The following CPNE8 variants were observed in gnomAD, a reference collection of about 807,000 sequenced individuals.
CPNE8 encodes the protein copine-8.
CPNE8 carries 45 observed loss-of-function variants against 81.5 expected under a neutral mutation model. The observed-to-expected ratio is 0.55, with a 90% CI of 0.44 to 0.71. The LOEUF is 0.71. Ranked by LOEUF, CPNE8 falls within the 30% of genes least tolerant of loss-of-function variation. The pLI, the probability that CPNE8 is intolerant of heterozygous loss-of-function variation, is 0.00. For missense variants in CPNE8, 594 were observed against 672.1 expected, an observed-to-expected ratio of 0.88 and a Z score of 1.28; for synonymous variants, 252 against 226.3, an observed-to-expected ratio of 1.11 and a Z score of -1.02.
chr12:38,760,108 C>T (rs146371982), intron 10 of CPNE8, among the ~76,000 whole-genome samples: 1,948 of 152,172 alleles, frequency 0.013, 27 homozygotes, highest in South Asian at 0.041. Context: ...TAAAAGTAAC[C>T]TTTGCTTTCC....
intron 1 of CPNE8, among the ~76,000 whole-genome samples, chr12:38,902,336 G>GA (rs1388363416): frequency 2.8e-4 from 18 of 63,546 alleles, no homozygotes; most frequent in African/African-American, 1.6e-3. Context: ...AAGAAAGAAA[G>GA]AAAGAAAGAA....
intron 19 of CPNE8, among the ~76,000 whole-genome samples, chr12:38,668,903 A>T (rs1368097839): frequency 1.3e-5 from 2 of 152,016 alleles, no homozygotes; most frequent in African/African-American, 2.4e-5. Context: ...TACAAAAAAA[A>T]ATTAGCTGGG....
intron 19 of CPNE8, among the ~76,000 whole-genome samples, chr12:38,657,574 C>T (rs1472086127): frequency 1.3e-5 from 2 of 152,194 alleles, no homozygotes; most frequent in African/African-American, 4.8e-5. Context: ...ACTGCCTCCT[C>T]AAGTGGGTCC....
At chr12:38,894,657 CA>C (rs1944360973) in intron 1 of CPNE8, among the ~76,000 whole-genome samples, 2 of 65,204 alleles carry the variant, frequency 3.1e-5, no homozygotes, top group African/African-American at 7.5e-5. Context: ...CACTCCAGCT[CA>C]CTCTCTCTCT....
intron 6 of CPNE8, among the ~76,000 whole-genome samples, chr12:38,814,042 A>G (rs867672598): frequency 2.6e-5 from 4 of 152,166 alleles, no homozygotes; most frequent in African/African-American, 9.7e-5. Flanking sequence ...TAGTTGTACA[A>G]GAAGAGTCTT....
At chr12:38,676,824 A>G (rs1300255584) in intron 17 of CPNE8, among the ~76,000 whole-genome samples, 4 of 152,168 alleles carry the variant, frequency 2.6e-5, no homozygotes, top group African/African-American at 9.7e-5. Context: ...CTTCTTAGTT[A>G]AACCTAAATT....
chr12:38,697,372 A>G (rs2136679919), intron 14 of CPNE8, among the ~76,000 whole-genome samples: 1 of 152,282 alleles, frequency 6.6e-6, no homozygotes, highest in Non-Finnish European at 1.5e-5. Flanking sequence ...TTTATTGCAG[A>G]ATAGTATTCC....
In CPNE8 at chr12:38,792,839, A is replaced by G. The variant is rs182733043; in HGVS notation, c.408-16538T>C. ...TATTGATGCAAAAATCCTCAACAAA[A>G]TACTGGCAAACTGAAATCAATGGCA... On this transcript the variant is annotated intron_variant, in intron 6 of 19. Transcript: ENST00000331366. 3.3e-4 allele frequency among the ~76,000 whole-genome samples: 50 copies of G among 151,992 alleles called. 1 individual carries two copies. Among genetic ancestry groups the G allele is most frequent in the Non-Finnish European group, 1.5e-4 (10 of 67,820 alleles).
chr12:38,730,140 T>C, intron 11 of CPNE8, 143 bp downstream of exon 11: 1 of 566,768 alleles, frequency 1.8e-6, no homozygotes, highest in Non-Finnish European at 3.1e-6. Context: ...AATCTAAAAA[T>C]GTCTGCTCAA....
chr12:38,808,001 A>C (rs1377444742), intron 6 of CPNE8, among the ~76,000 whole-genome samples: 1 of 152,126 alleles, frequency 6.6e-6, no homozygotes, highest in South Asian at 2.1e-4. Context: ...CACATGGAAA[A>C]ATGCTCATCA....
intron 10 of CPNE8, among the ~76,000 whole-genome samples, chr12:38,731,155 A>G (rs949124596): frequency 6.6e-6 from 1 of 151,954 alleles, no homozygotes; most frequent in South Asian, 2.1e-4. Context: ...AGTAAGTACA[A>G]ACTGCTGGTA....
At chr12:38,654,865 C>T (rs1271533182) in intron 19 of CPNE8, among the ~76,000 whole-genome samples, 1 of 152,012 alleles carries the variant, frequency 6.6e-6, no homozygotes, top group Non-Finnish European at 1.5e-5. Context: ...TAATAGTGTA[C>T]ATTGTTAAAA....
Position 38,822,757 on chromosome 12 carries a change from C to A in CPNE8, c.407+6622G>T, listed in dbSNP as rs559336880. ...AGCAAATTCTTATTACAAATGTGAC[C>A]CATAGACATAAAAAAAAGTATAGAT... On this transcript the variant is annotated intron_variant, in intron 6 of 19. Coordinates refer to ENST00000331366, the MANE Select transcript of CPNE8 (RefSeq NM_153634.3). Among the ~76,000 whole-genome samples, 4 of 151,586 alleles carry A rather than the reference C, an allele frequency of 2.6e-5. No individual in the cohort carries two copies. The East Asian group carries it at 7.7e-4, about 29-fold the overall frequency.
intron 1 of CPNE8, among the ~76,000 whole-genome samples, chr12:38,902,144 A>C (rs1944472494): frequency 6.6e-6 from 1 of 151,056 alleles, no homozygotes; most frequent in Non-Finnish European, 1.5e-5. Context: ...AGGAGGTGAA[A>C]GAAAGGAAAT....
Position 38,833,713 on chromosome 12 carries a change from C to T in CPNE8, c.331-4258G>A, listed in dbSNP as rs181503315. ...CAGGATGGTCTCGATCTCCTGACCT[C>T]GTGATCTGCCCGCCTTGTCCTCCCA... On this transcript the variant is annotated intron_variant, in intron 5 of 19. Coordinates refer to ENST00000331366, the MANE Select transcript of CPNE8 (RefSeq NM_153634.3). Among the ~76,000 whole-genome samples the T allele has an allele frequency of 3.8e-4, 58 of 152,056 alleles. No homozygotes were observed. The East Asian group carries it at 0.011, about 28-fold the overall frequency.
intron 7 of CPNE8, among the ~76,000 whole-genome samples, chr12:38,775,101 T>G (rs755126089): frequency 6.6e-6 from 1 of 152,202 alleles, no homozygotes; most frequent in East Asian, 1.9e-4. Context: ...TATCTATTGA[T>G]CATCTATCTA....
At chr12:38,733,826 A>C (rs976511118) in intron 10 of CPNE8, among the ~76,000 whole-genome samples, 1 of 152,006 alleles carries the variant, frequency 6.6e-6, no homozygotes, top group South Asian at 2.1e-4. Flanking sequence ...TCTGTTCATT[A>C]AGATCATTTC....
chr12:38,681,942 T>G lies in CPNE8; in HGVS notation c.1271+3548A>C, dbSNP rs191218168. On this transcript the variant is annotated intron_variant, in intron 16 of 19. Coordinates refer to ENST00000331366, the MANE Select transcript of CPNE8 (RefSeq NM_153634.3). ...TTATCATTTAAAAGAGTATTTAGGC[T>G]GGGCCCAGTGGCTCATGCCAGTAAT... 5.1e-4 allele frequency among the ~76,000 whole-genome samples: 78 copies of G among 152,340 alleles called. 1 individual carries two copies. Among genetic ancestry groups the G allele is most frequent in the Admixed American group, 1.5e-3 (23 of 15,294 alleles).
At position 38,814,129 on chromosome 12, in the gene CPNE8, G is replaced by A. The variant is rs139639319; in HGVS notation, c.407+15250C>T. On this transcript the variant is annotated intron_variant, in intron 6 of 19. Transcript: ENST00000331366. The stretch of plus-strand genomic sequence containing the variant: ...TGTGGGTCTGCGGGCTGTCAGGGAG[G>A]AAGTTCAAGATGCAGGCAAGGTCTC... Among the ~76,000 whole-genome samples, 190 of 152,122 alleles carry A rather than the reference G, an allele frequency of 1.2e-3. 2 individuals are homozygous for A. Among genetic ancestry groups the A allele is most frequent in the African/African-American group, 4.5e-3 (185 of 41,506 alleles).
Sources: gnomAD v4.1 joint callset for allele counts (sites outside exome capture counted in the v4.1 genomes callset) on GRCh38, gnomAD v4.1.1 for gene constraint, MANE v1.5 for transcripts, NCBI Gene and HGNC (gene_info 2026-07-23, HGNC 2026-07-21) for gene names.